CACNA1D: variants seen among roughly 807,000 people sequenced by gnomAD.
CACNA1D encodes the protein calcium voltage-gated channel subunit alpha1 D, also known as voltage-dependent L-type calcium channel subunit alpha-1D.
CACNA1D carries 55 observed loss-of-function variants against 257.1 expected under a neutral mutation model. The ratio of observed to expected loss-of-function variants is 0.21; its 90% confidence interval spans 0.17 to 0.27. The LOEUF is 0.27. CACNA1D is among the 10% of genes least tolerant of loss of function. CACNA1D has a pLI of 1.00. For missense variants in CACNA1D, 1,876 were observed against 2,784.0 expected (o/e 0.67, Z 7.34); for synonymous variants, 980 against 1,014.9 (o/e 0.97, Z 0.65).
At chr3:53,505,648 T>G (rs1478663599) in intron 3 of CACNA1D, among the ~76,000 whole-genome samples, 1 of 152,200 alleles carries the variant, frequency 6.6e-6, no homozygotes, top group African/African-American at 2.4e-5. Context: ...TTCTTGCAGG[T>G]CCTTAGCTGG....
chr3:53,599,557 C>T (rs1179066339), intron 3 of CACNA1D, among the ~76,000 whole-genome samples: 1 of 152,080 alleles, frequency 6.6e-6, no homozygotes, highest in East Asian at 1.9e-4. Flanking sequence ...GTCCTGGCTC[C>T]ACCATAACAA....
At chr3:53,731,200 C>T (rs1576487078) in intron 17 of CACNA1D, 54 bp downstream of exon 17, 2 of 1,092,868 alleles carry the variant, frequency 1.8e-6, no homozygotes, top group Admixed American at 1.7e-5. Context: ...TCCTGTTGAT[C>T]TCCATACATG....
intron 3 of CACNA1D, among the ~76,000 whole-genome samples, chr3:53,559,374 G>A (rs973371971): frequency 6.6e-6 from 1 of 152,074 alleles, no homozygotes; most frequent in African/African-American, 2.4e-5. Flanking sequence ...GAGTTTTCCA[G>A]TTTTTCGTAT....
At chr3:53,629,004 G>A (rs963219507) in intron 3 of CACNA1D, among the ~76,000 whole-genome samples, 1 of 152,220 alleles carries the variant, frequency 6.6e-6, no homozygotes, top group African/African-American at 2.4e-5. Context: ...GGGCAGGGGT[G>A]AGCAAACCTT....
chr3:53,573,238 A>T (rs977172893), intron 3 of CACNA1D, among the ~76,000 whole-genome samples: 10 of 152,146 alleles, frequency 6.6e-5, no homozygotes, highest in African/African-American at 2.4e-4. Flanking sequence ...CTCTGTGCCA[A>T]CTGCTGGCAG....
At chr3:53,753,868 C>A (rs563374568) in intron 29 of CACNA1D, among the ~76,000 whole-genome samples, 186 bp downstream of exon 29, 2 of 152,310 alleles carry the variant, frequency 1.3e-5, no homozygotes, top group South Asian at 4.1e-4. Context: ...TCTGCAAGAA[C>A]AAAACCTCAT....
At chr3:53,706,129 G>A (rs1041050577) in intron 9 of CACNA1D, among the ~76,000 whole-genome samples, 7 of 152,314 alleles carry the variant, frequency 4.6e-5, no homozygotes, top group South Asian at 2.1e-4. Context: ...CGCAGGGCCC[G>A]GGCTCCTGAC....
chr3:53,800,911 T>C lies in CACNA1D; in HGVS notation c.5041-147T>C, dbSNP rs528181124. 481 of 784,410 alleles carry C rather than the reference T, an allele frequency of 6.1e-4. No homozygotes were observed. Among genetic ancestry groups the C allele is most frequent in the Admixed American group, 1.5e-3 (83 of 54,510 alleles). 48.6% of individuals were successfully genotyped at this position (784,410 alleles called of 1,614,324 possible). A position where few individuals can be genotyped will look rare whatever the true frequency, so the allele number is the denominator to read the frequency against. On this transcript the variant is annotated intron_variant, in intron 41 of 47. Transcript: ENST00000350061. This position sits in a 1 kb window ranked among gnomAD's most constrained non-coding sequence, Gnocchi z 4.3. ...AACTGCCACACAGTCACATTCACCC[T>C]GATCATTGAGACACTCAGATTGTTT...
At chr3:53,660,089 G>T (rs764974712) in intron 4 of CACNA1D, 44 bp from the exon 5 acceptor site, 1 of 1,581,738 alleles carries the variant, frequency 6.3e-7, no homozygotes, top group Non-Finnish European at 8.7e-7. Context: ...TTGCGTCCCT[G>T]GGGTAACAGA....
intron 3 of CACNA1D, among the ~76,000 whole-genome samples, chr3:53,649,018 G>A (rs1462592400): frequency 6.6e-6 from 1 of 152,208 alleles, no homozygotes; most frequent in African/African-American, 2.4e-5. Context: ...CAAAGACTGG[G>A]ATGCATGGCC....
At chr3:53,753,494 G>A in intron 28 of CACNA1D, 78 bp from the exon 29 acceptor site, 2 of 978,908 alleles carry the variant, frequency 2.0e-6, no homozygotes, top group African/African-American at 1.6e-5. Context: ...GGGGCACAGA[G>A]GGCTGGGAGC....
chr3:53,713,864 C>T (rs1576435930), intron 9 of CACNA1D, among the ~76,000 whole-genome samples: 1 of 152,156 alleles, frequency 6.6e-6, no homozygotes, highest in Non-Finnish European at 1.5e-5. Context: ...CTGTCTGCCA[C>T]CATCCTCTCA....
intron 2 of CACNA1D, among the ~76,000 whole-genome samples, chr3:53,499,794 G>C (rs1045976916): frequency 6.6e-6 from 1 of 152,058 alleles, no homozygotes; most frequent in African/African-American, 2.4e-5. Context: ...AGGGAGGGAA[G>C]AGACTATTGT....
At chr3:53,523,253 C>T (rs1284917900) in intron 3 of CACNA1D, among the ~76,000 whole-genome samples, 1 of 152,092 alleles carries the variant, frequency 6.6e-6, no homozygotes, top group Non-Finnish European at 1.5e-5. Flanking sequence ...TGCTGGGTGC[C>T]CTGTGTAGAG....
chr3:53,620,292 T>C (rs1034894322), intron 3 of CACNA1D, among the ~76,000 whole-genome samples: 8 of 152,128 alleles, frequency 5.3e-5, no homozygotes, highest in African/African-American at 1.9e-4. Flanking sequence ...TCCATCTCTC[T>C]TTTCTTCTTC....
In CACNA1D at chr3:53,494,985, T is replaced by A. The variant is rs572934677; in HGVS notation, c.-182T>A. The stretch of plus-strand genomic sequence containing the variant: ...GCTTGGGTGGCGAGCGGTTTTTTTT[T>A]TAAATCAATTATCCTTATTTTCTGT... On this transcript the variant is annotated 5_prime_UTR_variant, in exon 1 of 48. Coordinates refer to ENST00000350061, the MANE Select transcript of CACNA1D (RefSeq NM_001128840.3). The A allele has an allele frequency of 2.5e-4, 148 of 600,902 alleles. No individual in the cohort carries two copies. Among genetic ancestry groups the A allele is most frequent in the African/African-American group, 2.0e-3 (108 of 53,638 alleles). The allele number at this position is 600,902 out of a possible 1,614,324, so 37.2% of individuals were successfully genotyped here. A position where few individuals can be genotyped will look rare whatever the true frequency, so the allele number is the denominator to read the frequency against.
intron 3 of CACNA1D, among the ~76,000 whole-genome samples, chr3:53,510,858 TA>T (rs2091076669): frequency 6.6e-6 from 1 of 152,222 alleles, no homozygotes. Context: ...TTTAGGAATC[TA>T]TTTTGCACCA....
Position 53,751,276 on chromosome 3 carries a change from T to A in CACNA1D, c.3517-473T>A, listed in dbSNP as rs1480531952. 6.6e-6 allele frequency among the ~76,000 whole-genome samples: 1 copy of A among 152,208 alleles called. No individual in the cohort carries two copies. Among genetic ancestry groups the A allele is most frequent in the Non-Finnish European group, 1.5e-5 (1 of 68,032 alleles). Reference sequence around the variant, plus strand: ...TGGGGAATGAGCCAGCCCCTCTCGTTCTTGTGAGTTTCTGTGGTTACTTGG... The same window carrying A: ...TGGGGAATGAGCCAGCCCCTCTCGTACTTGTGAGTTTCTGTGGTTACTTGG... On this transcript the variant is annotated intron_variant, in intron 27 of 47. Coordinates refer to ENST00000350061, the MANE Select transcript of CACNA1D (RefSeq NM_001128840.3). The surrounding 1 kb of genome is among the most constrained non-coding windows in gnomAD (Gnocchi z 4.3).
At chr3:53,677,764 G>A (rs1476509378) in intron 8 of CACNA1D, among the ~76,000 whole-genome samples, 2 of 152,198 alleles carry the variant, frequency 1.3e-5, no homozygotes, top group Admixed American at 6.5e-5. Flanking sequence ...GAGGGGAACG[G>A]CATTTCTATT....
Sources: gnomAD v4.1 joint callset for allele counts (sites outside exome capture counted in the v4.1 genomes callset) on GRCh38, gnomAD v4.1.1 for gene constraint, Gnocchi (gnomAD v3.1) non-coding constraint, MANE v1.5 for transcripts, NCBI Gene and HGNC (gene_info 2026-07-23, HGNC 2026-07-21) for gene names.